ACACA: variants seen among roughly 807,000 people sequenced by gnomAD.
ACACA encodes acetyl-CoA carboxylase 1.
In ACACA, 103 loss-of-function variants were observed where a neutral mutation model predicts 296.1. The ratio of observed to expected loss-of-function variants is 0.35; its 90% confidence interval spans 0.30 to 0.41. The LOEUF (loss-of-function observed/expected upper bound fraction) is 0.41, where lower values mean the gene tolerates loss of function less well. Ranked by LOEUF, ACACA falls within the 10% of genes least tolerant of loss-of-function variation. ACACA has a pLI of 1.00. For synonymous variants in ACACA, 953 were observed against 1,038.6 expected, an observed-to-expected ratio of 0.92 and a Z score of 1.58; for missense variants, 1,554 against 2,989.7, an observed-to-expected ratio of 0.52 and a Z score of 11.20.
intron 50 of ACACA, among the ~76,000 whole-genome samples, chr17:37,120,314 A>G (rs1281859175): frequency 6.6e-6 from 1 of 151,024 alleles, no homozygotes; most frequent in Admixed American, 6.6e-5. Context: ...TGCCCAGGCT[A>G]AAGTGCAGTG....
At chr17:37,257,606 T>G (rs762872753) in intron 14 of ACACA, 97 bp downstream of exon 14, 1 of 1,236,712 alleles carries the variant, frequency 8.1e-7, no homozygotes, top group African/African-American at 1.5e-5. Context: ...ATATTATTAC[T>G]TTGACAGCAG....
intron 11 of ACACA, among the ~76,000 whole-genome samples, chr17:37,263,049 G>C (rs921230128): frequency 6.6e-6 from 1 of 152,082 alleles, no homozygotes; most frequent in Non-Finnish European, 1.5e-5. Context: ...TATTTTGAAG[G>C]CATCTTTATT....
At chr17:37,310,506 A>C (rs1174093075) in intron 3 of ACACA, among the ~76,000 whole-genome samples, 1 of 152,034 alleles carries the variant, frequency 6.6e-6, no homozygotes, top group Non-Finnish European at 1.5e-5. Context: ...TATATATAGA[A>C]AATGTGGCTG....
Position 37,274,173 on chromosome 17 carries a change from C to A in ACACA, c.1008+20G>T. ...AACTGGTCAGCTGAAAGGTATCACT[C>A]CCTGGAGTTAGTAACCTACCTGTAG... On this transcript the variant is annotated intron_variant, in intron 9 of 55. Transcript: ENST00000616317. The A allele has an allele frequency of 6.3e-7, 1 of 1,594,622 alleles. No individual in the cohort carries two copies. Among genetic ancestry groups the A allele is most frequent in the Non-Finnish European group, 8.6e-7 (1 of 1,162,298 alleles).
chr17:37,353,845 T>C (rs1289877244), intron 1 of ACACA, among the ~76,000 whole-genome samples: 1 of 151,670 alleles, frequency 6.6e-6, no homozygotes, highest in Admixed American at 6.6e-5. Context: ...TGGTGGCTCA[T>C]ACTTGTAATC....
intron 3 of ACACA, among the ~76,000 whole-genome samples, chr17:37,286,039 G>A (rs754918640): frequency 3.9e-5 from 6 of 151,924 alleles, no homozygotes; most frequent in Non-Finnish European, 5.9e-5. Context: ...CTGTAGGCGC[G>A]CCACCACACC....
At chr17:37,121,809 A>C (rs2074539974) in intron 49 of ACACA, among the ~76,000 whole-genome samples, 1 of 152,210 alleles carries the variant, frequency 6.6e-6, no homozygotes, top group Non-Finnish European at 1.5e-5. Flanking sequence ...TCTTTAAAGC[A>C]AGTCAATTGT....
At chr17:37,264,711 C>T (rs533809862) in intron 10 of ACACA, among the ~76,000 whole-genome samples, 1 of 152,354 alleles carries the variant, frequency 6.6e-6, no homozygotes, top group African/African-American at 2.4e-5. Flanking sequence ...GCTCCATTCT[C>T]TTTCTCTTCT....
chr17:37,379,046 TG>T lies in ACACA; in HGVS notation c.38+27215del. ...ATGATTGCGACACTGCACTCCAGCT[TG>T]GGTGACAGAGCAAGGCACCGTCTCA... On this transcript the variant is annotated intron_variant, in intron 1 of 55. Coordinates refer to ENST00000616317, the MANE Select transcript of ACACA (RefSeq NM_198834.3). The T allele has an allele frequency of 2.1e-6, 3 of 1,423,132 alleles. No homozygotes were observed. The South Asian group carries it at 4.3e-5, about 21-fold the overall frequency. 88.2% of individuals were successfully genotyped at this position (1,423,132 alleles called of 1,614,324 possible).
chr17:37,382,612 A>G (rs892539290), intron 1 of ACACA, among the ~76,000 whole-genome samples: 9 of 152,216 alleles, frequency 5.9e-5, no homozygotes, highest in Admixed American at 5.2e-4. Flanking sequence ...CTGTAATCCC[A>G]GCACTTTGGA....
At chr17:37,128,490 T>C (rs1051628624) in intron 47 of ACACA, among the ~76,000 whole-genome samples, 1 of 152,236 alleles carries the variant, frequency 6.6e-6, no homozygotes, top group African/African-American at 2.4e-5. Context: ...TCTACTTTTA[T>C]ATATAGCCTT....
chr17:37,216,557 T>C (rs192945557), intron 29 of ACACA, among the ~76,000 whole-genome samples: 11 of 152,178 alleles, frequency 7.2e-5, no homozygotes, highest in Non-Finnish European at 8.8e-5. Flanking sequence ...AGTTTTTTTT[T>C]CTAAAAATAG....
chr17:37,173,022 G>A (rs1310888800), intron 41 of ACACA, among the ~76,000 whole-genome samples: 1 of 152,136 alleles, frequency 6.6e-6, no homozygotes, highest in East Asian at 1.9e-4. Flanking sequence ...AAGGCAAACT[G>A]ATTTCAAAAG....
At chr17:37,164,079 C>G (rs1276672698) in intron 41 of ACACA, among the ~76,000 whole-genome samples, 1 of 135,918 alleles carries the variant, frequency 7.4e-6, no homozygotes, top group East Asian at 2.6e-4. Context: ...CTCTCACCCC[C>G]CTCCTTGCCC....
intron 50 of ACACA, among the ~76,000 whole-genome samples, chr17:37,116,755 C>T (rs926442973): frequency 7.9e-5 from 12 of 152,308 alleles, no homozygotes; most frequent in African/African-American, 2.4e-4. Flanking sequence ...CAGGTTGAAA[C>T]ACTTGGCAAC....
chr17:37,274,449 T>C, intron 8 of ACACA, 150 bp from the exon 9 acceptor site: 1 of 1,016,772 alleles, frequency 9.8e-7, no homozygotes, highest in Non-Finnish European at 1.5e-6. Flanking sequence ...GATCAGTCCT[T>C]GGGGTTAACA....
At chr17:37,250,006 C>G (rs143368621) in intron 16 of ACACA, among the ~76,000 whole-genome samples, 2 of 152,158 alleles carry the variant, frequency 1.3e-5, no homozygotes, top group Non-Finnish European at 2.9e-5. Flanking sequence ...GCTGCCACCA[C>G]GAAAGATGTG....
Position 37,200,454 on chromosome 17 carries a change from C to G in ACACA, c.4086G>C (p.Arg1362=), listed in dbSNP as rs749461910. 6.2e-7 allele frequency: 1 copy of G among 1,613,340 alleles called. No individual in the cohort carries two copies. Among genetic ancestry groups the G allele is most frequent in the African/African-American group, 1.3e-5 (1 of 74,896 alleles). ...TTTGTGCAACCAGGAAAGTAAGGCG[C>G]CGGATCCCATGGTCAACCAGGGTAG... ...NKATLVDHGI[R]RLTFLVAQKD... The change falls in exon 34 of 56, where the codon CGG becomes CGC. Residue 1362 remains arginine, a synonymous_variant. Coordinates refer to ENST00000616317, the MANE Select transcript of ACACA (RefSeq NM_198834.3).
chr17:37,404,092 A>G (rs566591848), intron 1 of ACACA, among the ~76,000 whole-genome samples: 1 of 152,268 alleles, frequency 6.6e-6, no homozygotes, highest in Non-Finnish European at 1.5e-5. Context: ...TATGTTTTTA[A>G]CGACTAGATC....
Sources: allele counts gnomAD v4.1 joint callset (sites outside exome capture counted in the v4.1 genomes callset), GRCh38; gene constraint gnomAD v4.1.1; transcripts MANE v1.5; gene names NCBI Gene and HGNC (gene_info 2026-07-23, HGNC 2026-07-21).